The following LARP1 variants were observed in gnomAD, a reference collection of about 807,000 sequenced individuals.
LARP1 encodes the protein la-related protein 1.
Under a neutral mutation model 122.7 loss-of-function variants are expected in LARP1, and 36 were observed. The ratio of observed to expected loss-of-function variants is 0.29; its 90% confidence interval spans 0.22 to 0.39. The LOEUF is 0.39. Among genes scored for constraint, LARP1 ranks in the 10% least tolerant of loss-of-function variants. LARP1 has a pLI of 1.00. For synonymous variants in LARP1, 539 were observed against 528.7 expected, an observed-to-expected ratio of 1.02 and a Z score of -0.27; for missense variants, 1,040 against 1,403.6, an observed-to-expected ratio of 0.74 and a Z score of 4.14.
Position 154,756,002 on chromosome 5 carries a change from C to T in LARP1, c.245C>T (p.Pro82Leu), listed in dbSNP as rs1410218421. The T allele has an allele frequency of 9.8e-7, 1 of 1,018,588 alleles. No individual in the cohort carries two copies. The highest frequency in any genetic ancestry group is 1.1e-4 in the East Asian group (1 of 9,312). 63.1% of individuals were successfully genotyped at this position (1,018,588 alleles called of 1,614,324 possible). A position where few individuals can be genotyped will look rare whatever the true frequency, so the allele number is the denominator to read the frequency against. ...GAGAGCCCGCGGCCGCTGCAGCTGC[C>T]CGGCGCCGAAGGCCCGGCCATCAGC... Reference protein sequence around the residue: ...ERESPRPLQLPGAEGPAISDG... With the variant: ...ERESPRPLQLLGAEGPAISDG... Residue 82 changes from proline to leucine, a missense_variant, in exon 1 of 19, where the codon CCC becomes CTC. By Grantham distance (98) the Pro-to-Leu change is moderately conservative. This residue lies in a region of LARP1 where 257 missense variants were observed against 273.3 expected (regional missense o/e 0.94). Coordinates refer to ENST00000518297, the MANE Select transcript of LARP1 (RefSeq NM_033551.3).
chr5:154,717,346 C>T (rs1316626950), intron 1 of LARP1, among the ~76,000 whole-genome samples: 1 of 152,154 alleles, frequency 6.6e-6, no homozygotes, highest in Non-Finnish European at 1.5e-5. Context: ...CTCTGCATTG[C>T]ACTCTACTCC....
rs1281986865 is a variant in LARP1 at position 154,811,598 on chromosome 5, A to G, written c.3039A>G (p.Glu1013=). 9 of 1,614,222 alleles carry G rather than the reference A, an allele frequency of 5.6e-6. No individual in the cohort carries two copies. Among genetic ancestry groups the G allele is most frequent in the Non-Finnish European group, 5.1e-6 (6 of 1,180,052 alleles). Reference sequence around the variant, plus strand: ...TGGACATTGACCCCAAACTGCAAGAATACCTCGGCAAATTCCGACGTCTTG... The same window carrying G: ...TGGACATTGACCCCAAACTGCAAGAGTACCTCGGCAAATTCCGACGTCTTG... The part of the protein sequence containing the change: ...KNLDIDPKLQ[E]YLGKFRRLED... The change falls in exon 18 of 19, where the codon GAA becomes GAG. Residue 1013 remains glutamate, a synonymous_variant. Transcript: ENST00000518297.
chr5:154,687,308 C>G (rs1004695537), intron 1 of LARP1, among the ~76,000 whole-genome samples: 4 of 151,978 alleles, frequency 2.6e-5, no homozygotes, highest in Non-Finnish European at 5.9e-5. Context: ...ATCTTCCCAC[C>G]CAGATGTAAC....
intron 16 of LARP1, 74 bp from the exon 17 acceptor site, chr5:154,811,173 C>T: frequency 9.4e-7 from 1 of 1,065,200 alleles, no homozygotes; most frequent in East Asian, 2.4e-5. Flanking sequence ...TTCATAGTTC[C>T]TCTGTTATGC....
rs1299853621 is a variant in LARP1 at position 154,802,071 on chromosome 5, T to C, written c.1781T>C (p.Leu594Pro). Residue 594 changes from leucine to proline, a missense_variant, in exon 11 of 19, where the codon CTG (leucine) becomes CCG (proline). Leu to Pro is a moderately conservative substitution (Grantham distance 98). This residue lies in a region of LARP1 where 362 missense variants were observed against 533.1 expected (regional missense o/e 0.68). Transcript: ENST00000518297. The surrounding 1 kb of genome is among the most constrained non-coding windows in gnomAD (Gnocchi z 5.1). ...SLPQQLPSQQ[L>P]MSKDQDEQEE... ...CCTCAGCAGCTGCCTTCCCAGCAGCTGATGTCCAAGGATCAGGATGAGCAA... is the reference window on the plus strand; with the variant it reads ...CCTCAGCAGCTGCCTTCCCAGCAGCCGATGTCCAAGGATCAGGATGAGCAA... 6.2e-7 allele frequency: 1 copy of C among 1,614,168 alleles called. No homozygotes were observed. Among genetic ancestry groups the C allele is most frequent in the South Asian group, 1.1e-5 (1 of 91,072 alleles).
At chr5:154,799,566 C>T in intron 8 of LARP1, 25 bp from the exon 9 acceptor site, 3 of 1,610,652 alleles carry the variant, frequency 1.9e-6, no homozygotes, top group East Asian at 2.2e-5. Flanking sequence ...CTTCTTAATC[C>T]CCTCTTCCTT....
At chr5:154,687,913 A>G (rs1200870725) in intron 1 of LARP1, among the ~76,000 whole-genome samples, 1 of 152,132 alleles carries the variant, frequency 6.6e-6, no homozygotes, top group Admixed American at 6.5e-5. Context: ...CCAGGGAAGA[A>G]GTTGGGGTTT....
intron 1 of LARP1, among the ~76,000 whole-genome samples, chr5:154,717,653 G>T (rs1755591925): frequency 6.6e-6 from 1 of 152,156 alleles, no homozygotes; most frequent in Non-Finnish European, 1.5e-5. Context: ...GACAGGTAAG[G>T]CCTGGTGATA....
Position 154,814,672 on chromosome 5 carries a change from A to G in LARP1, c.*576A>G, listed in dbSNP as rs1759548502. 6.6e-6 allele frequency: 1 copy of G among 152,562 alleles called. No homozygotes were observed. Among genetic ancestry groups the G allele is most frequent in the South Asian group, 2.1e-4 (1 of 4,830 alleles). The allele number at this position is 152,562 out of a possible 1,614,324, so 9.5% of individuals were successfully genotyped here. A position where few individuals can be genotyped will look rare whatever the true frequency, so the allele number is the denominator to read the frequency against. Reference sequence around the variant, plus strand: ...GCTGTTCCCACCATGCCCTTCTGCCATCTTCTGGGAGAAGGAAACCAAAGG... The same window carrying G: ...GCTGTTCCCACCATGCCCTTCTGCCGTCTTCTGGGAGAAGGAAACCAAAGG... On this transcript the variant is annotated 3_prime_UTR_variant, in exon 19 of 19. Coordinates refer to ENST00000518297, the MANE Select transcript of LARP1 (RefSeq NM_033551.3).
intron 18 of LARP1, among the ~76,000 whole-genome samples, chr5:154,812,260 A>C (rs1582496796): frequency 6.6e-6 from 1 of 152,268 alleles, no homozygotes. Context: ...TTTTAGCAAA[A>C]AGGCAAATGC....
In LARP1 at chr5:154,805,951, C is replaced by G. The variant is rs1372876766; in HGVS notation, c.2617C>G (p.Gln873Glu). 6.2e-7 allele frequency: 1 copy of G among 1,614,074 alleles called. No homozygotes were observed. Among genetic ancestry groups the G allele is most frequent in the Non-Finnish European group, 8.5e-7 (1 of 1,180,048 alleles). The change falls in exon 15 of 19, where the codon CAG becomes GAG. Residue 873 changes from glutamine (Q) to glutamate (E), a missense_variant. Around this residue, in one of 8 missense-constraint regions of LARP1, gnomAD observed 59 missense variants for 137.2 expected, o/e 0.43. Coordinates refer to ENST00000518297, the MANE Select transcript of LARP1 (RefSeq NM_033551.3). ...TACCCCTCAGTCATTGCCCAAGTTCCAGCATCCTTCCCATGAACTGCTCAA... is the reference window on the plus strand; with the variant it reads ...TACCCCTCAGTCATTGCCCAAGTTCGAGCATCCTTCCCATGAACTGCTCAA... Reference protein sequence around the residue: ...GCTPQSLPKFQHPSHELLKEN... With the variant: ...GCTPQSLPKFEHPSHELLKEN...
In LARP1 at chr5:154,765,135, C is replaced by G. The variant is rs528703404; in HGVS notation, c.436+8942C>G. ...TCTAAGACCGCACTTGATCTGGTCTCTGTCCACCTAACCTCTGACCTCATC... is the reference window on the plus strand; with the variant it reads ...TCTAAGACCGCACTTGATCTGGTCTGTGTCCACCTAACCTCTGACCTCATC... On this transcript the variant is annotated intron_variant, in intron 1 of 18. Coordinates refer to ENST00000518297, the MANE Select transcript of LARP1 (RefSeq NM_033551.3). 8.2e-4 allele frequency among the ~76,000 whole-genome samples: 125 copies of G among 152,264 alleles called. 2 individuals are homozygous for G. Among genetic ancestry groups the G allele is most frequent in the Middle Eastern group, 6.8e-3 (2 of 294 alleles).
chr5:154,769,680 C>T (rs1755245636), intron 1 of LARP1, among the ~76,000 whole-genome samples: 1 of 152,232 alleles, frequency 6.6e-6, no homozygotes, highest in South Asian at 2.1e-4. Context: ...TCCCTCCCCT[C>T]ATCTGCGAAA....
chr5:154,733,990 AC>A (rs1246076327), intron 1 of LARP1, among the ~76,000 whole-genome samples: 5 of 151,796 alleles, frequency 3.3e-5, no homozygotes, highest in African/African-American at 1.2e-4. Context: ...ACATGGTGAA[AC>A]CCTGTCTCTA....
chr5:154,796,121 T>TTATATATATTTTATATATTTATATATAG (rs1757814173), intron 8 of LARP1, among the ~76,000 whole-genome samples: 1 of 104,246 alleles, frequency 9.6e-6, no homozygotes, highest in Non-Finnish European at 1.8e-5. Flanking sequence ...AGTATATATA[T>TTATATATATTTTATATATTTATATATAG]TATATATATT....
Position 154,794,269 on chromosome 5 carries a change from G to T in LARP1, c.1232+7G>T, listed in dbSNP as rs747301467. 1 of 1,613,204 alleles carries T rather than the reference G, an allele frequency of 6.2e-7. No individual in the cohort carries two copies. The highest frequency in any genetic ancestry group is 8.5e-7 in the Non-Finnish European group (1 of 1,179,184). On this transcript the variant is annotated splice_region_variant and intron_variant, in intron 7 of 18. Coordinates refer to ENST00000518297, the MANE Select transcript of LARP1 (RefSeq NM_033551.3). ...ACTACATCAAGCGCCAGATGTGAGT[G>T]TGCGGAAGCCTTCTTACCCTGGAGA...
At chr5:154,713,752 T>G (rs1277029951) in intron 1 of LARP1, among the ~76,000 whole-genome samples, 1 of 152,314 alleles carries the variant, frequency 6.6e-6, no homozygotes, top group East Asian at 1.9e-4. Flanking sequence ...CAGGGTTCAT[T>G]CTTGAAAGTG....
chr5:154,790,213 T>C, intron 1 of LARP1, 112 bp from the exon 2 acceptor site: 1 of 796,134 alleles, frequency 1.3e-6, no homozygotes, highest in Admixed American at 2.3e-5. Flanking sequence ...CTTTCTCCTT[T>C]GGGAACTTGC....
At chr5:154,757,638 G>A (rs1754083463) in intron 1 of LARP1, among the ~76,000 whole-genome samples, 1 of 152,146 alleles carries the variant, frequency 6.6e-6, no homozygotes, top group South Asian at 2.1e-4. Flanking sequence ...CGTCAAAGGA[G>A]TAGAAGCACT....
Sources: allele counts gnomAD v4.1 joint callset (sites outside exome capture counted in the v4.1 genomes callset), GRCh38; gene constraint gnomAD v4.1.1; regional missense constraint gnomAD v4.1.1; non-coding constraint Gnocchi (gnomAD v3.1); transcripts MANE v1.5; gene names NCBI Gene and HGNC (gene_info 2026-07-23, HGNC 2026-07-21).